ATG10: variants seen among roughly 807,000 people sequenced by gnomAD.
ATG10 encodes autophagy related 10.
Under a neutral mutation model 32.1 loss-of-function variants are expected in ATG10, and 30 were observed. That is an observed-to-expected ratio of 0.94 (90% CI 0.70 to 1.27). ATG10 has a LOEUF of 1.27. Ranked by LOEUF, ATG10 falls within the 50% of genes most tolerant of loss-of-function variation. The probability of loss-of-function intolerance (pLI) is 0.00; values close to 1 mark genes in which losing one functional copy is unlikely to be tolerated. For synonymous variants in ATG10, 87 were observed against 91.5 expected, an observed-to-expected ratio of 0.95 and a Z score of 0.28; for missense variants, 233 against 262.3, an observed-to-expected ratio of 0.89 and a Z score of 0.77.
chr5:82,136,814 T>G (rs1482725769), intron 3 of ATG10, among the ~76,000 whole-genome samples: 1 of 152,202 alleles, frequency 6.6e-6, no homozygotes, highest in Non-Finnish European at 1.5e-5. Flanking sequence ...GTTTTCCAAC[T>G]TGGTTCCATT....
chr5:82,215,774 T>C (rs1032474363), intron 5 of ATG10, among the ~76,000 whole-genome samples: 2 of 151,898 alleles, frequency 1.3e-5, no homozygotes, highest in Non-Finnish European at 2.9e-5. Context: ...CATTCTCTAC[T>C]AAAAATACAA....
Position 82,164,422 on chromosome 5 carries a change from T to C in ATG10, c.240T>C (p.Asp80=), listed in dbSNP as rs773271778. ...PMEEAFELPL[D]DCEVIETAAA... is the part of the protein sequence containing the mutation. The stretch of plus-strand genomic sequence containing the variant: ...AGGAGGCTTTCGAGCTACCCTTGGA[T>C]GATTGTGAAGTGATTGAAACTGCAG... Residue 80 remains aspartate, a synonymous_variant, in exon 4 of 8, where the codon GAT becomes GAC. Transcript: ENST00000282185. The C allele has an allele frequency of 1.2e-6, 2 of 1,613,932 alleles. No individual in the cohort carries two copies. The highest frequency in any genetic ancestry group is 1.7e-6 in the Non-Finnish European group (2 of 1,179,934).
chr5:82,125,766 T>A (rs1193269644), intron 3 of ATG10, among the ~76,000 whole-genome samples: 1 of 152,056 alleles, frequency 6.6e-6, no homozygotes, highest in Non-Finnish European at 1.5e-5. Context: ...GGCTCTTTTT[T>A]TGCTTCCATA....
intron 3 of ATG10, among the ~76,000 whole-genome samples, chr5:82,116,963 T>C (rs1765835116): frequency 6.6e-6 from 1 of 152,158 alleles, no homozygotes; most frequent in Admixed American, 6.6e-5. Context: ...ACCCAAACTA[T>C]TCTGTAGTCA....
chr5:82,055,187 CA>C (rs997826326), intron 2 of ATG10, among the ~76,000 whole-genome samples: 1 of 151,592 alleles, frequency 6.6e-6, no homozygotes, highest in Admixed American at 6.6e-5. Flanking sequence ...AATCAAAATC[CA>C]AAAAACTCTA....
At chr5:82,155,877 A>G (rs1767780392) in intron 3 of ATG10, among the ~76,000 whole-genome samples, 1 of 152,176 alleles carries the variant, frequency 6.6e-6, no homozygotes, top group Non-Finnish European at 1.5e-5. Flanking sequence ...TGGCACTCCA[A>G]ATTCCATTAT....
At chr5:82,127,814 G>A (rs763405515) in intron 3 of ATG10, among the ~76,000 whole-genome samples, 6 of 152,108 alleles carry the variant, frequency 3.9e-5, no homozygotes, top group Non-Finnish European at 5.9e-5. Flanking sequence ...GTCCAGAGCC[G>A]AGTTCAAGTC....
chr5:82,009,200 A>G (rs1762062016), intron 2 of ATG10, among the ~76,000 whole-genome samples: 1 of 152,082 alleles, frequency 6.6e-6, no homozygotes, highest in African/African-American at 2.4e-5. Flanking sequence ...TGTTTGTTTC[A>G]CTGATCTAAT....
At chr5:82,231,705 T>C in intron 5 of ATG10, among the ~76,000 whole-genome samples, 1 of 152,160 alleles carries the variant, frequency 6.6e-6, no homozygotes, top group South Asian at 2.1e-4. Flanking sequence ...TCATGGAGTC[T>C]CTTTGGAGAG....
At chr5:82,203,773 T>A (rs1231979742) in intron 5 of ATG10, among the ~76,000 whole-genome samples, 1 of 152,166 alleles carries the variant, frequency 6.6e-6, no homozygotes, top group African/African-American at 2.4e-5. Flanking sequence ...GCTCCAATCT[T>A]AAGGAAATGA....
intron 5 of ATG10, among the ~76,000 whole-genome samples, chr5:82,207,260 C>T (rs1214561855): frequency 6.6e-6 from 1 of 152,168 alleles, no homozygotes; most frequent in Non-Finnish European, 1.5e-5. Flanking sequence ...ACTGTTCTAT[C>T]AATATATAAA....
intron 3 of ATG10, among the ~76,000 whole-genome samples, chr5:82,099,613 CAAT>C (rs1377749588): frequency 6.6e-6 from 1 of 151,944 alleles, no homozygotes; most frequent in African/African-American, 2.4e-5. Flanking sequence ...CTTTTAAAGT[CAAT>C]AATAATAATC....
intron 3 of ATG10, among the ~76,000 whole-genome samples, chr5:82,098,640 G>A (rs7736587): frequency 0.083 from 12,656 of 152,174 alleles, 788 homozygotes; most frequent in African/African-American, 0.18. Flanking sequence ...TGCAAACAAA[G>A]GGGTTATCGT....
intron 3 of ATG10, among the ~76,000 whole-genome samples, chr5:82,136,366 G>T (rs1335079878): frequency 2.0e-5 from 3 of 152,170 alleles, no homozygotes; most frequent in African/African-American, 7.2e-5. Context: ...GCTGGTACTG[G>T]TTTTTCCTTT....
chr5:82,012,957 T>C (rs1762167074), intron 2 of ATG10, among the ~76,000 whole-genome samples: 1 of 151,850 alleles, frequency 6.6e-6, no homozygotes, highest in Admixed American at 6.6e-5. Flanking sequence ...TGTATCATTC[T>C]TTCATTCTTT....
At chr5:81,999,277 G>T (rs1761765121) in intron 2 of ATG10, among the ~76,000 whole-genome samples, 1 of 151,984 alleles carries the variant, frequency 6.6e-6, no homozygotes, top group Non-Finnish European at 1.5e-5. Context: ...ACCTGCTCCT[G>T]AATGACTGGG....
chr5:82,176,062 C>G (rs1744007103), intron 4 of ATG10, among the ~76,000 whole-genome samples: 1 of 152,116 alleles, frequency 6.6e-6, no homozygotes, highest in Non-Finnish European at 1.5e-5. Context: ...ACCATTTACT[C>G]CATACTTACA....
At chr5:81,995,147 T>C (rs1761622762) in intron 2 of ATG10, among the ~76,000 whole-genome samples, 1 of 152,140 alleles carries the variant, frequency 6.6e-6, no homozygotes, top group Non-Finnish European at 1.5e-5. Flanking sequence ...TGTGTGTGTT[T>C]TGAGACAGAG....
intron 1 of ATG10, among the ~76,000 whole-genome samples, chr5:81,981,499 T>C (rs1447132243): frequency 6.6e-6 from 1 of 152,120 alleles, no homozygotes; most frequent in Admixed American, 6.5e-5. Flanking sequence ...TCCTACCTGA[T>C]AGTGCATGTT....
Sources: allele counts gnomAD v4.1 joint callset (sites outside exome capture counted in the v4.1 genomes callset), GRCh38; gene constraint gnomAD v4.1.1; transcripts MANE v1.5; gene names NCBI Gene and HGNC (gene_info 2026-07-23, HGNC 2026-07-21).